PRKACB: variants seen among roughly 807,000 people sequenced by gnomAD.
PRKACB encodes protein kinase cAMP-activated catalytic subunit beta.
In PRKACB, 16 loss-of-function variants were observed where a neutral mutation model predicts 51.4. The observed-to-expected ratio is 0.31, with a 90% CI of 0.21 to 0.47. The LOEUF (loss-of-function observed/expected upper bound fraction) is 0.47. PRKACB is among the 20% of genes least tolerant of loss of function. The pLI is 1.00. For synonymous variants in PRKACB, 147 were observed against 154.4 expected, an observed-to-expected ratio of 0.95 and a Z score of 0.35; for missense variants, 309 against 464.5, an observed-to-expected ratio of 0.67 and a Z score of 3.08.
intron 1 of PRKACB, chr1:84,175,877 T>G: frequency 8.4e-7 from 1 of 1,190,644 alleles, no homozygotes; most frequent in Non-Finnish European, 1.1e-6. Context: ...AAATATATAA[T>G]TGAAAATGTA....
chr1:84,091,189 C>T (rs150891500), intron 1 of PRKACB, among the ~76,000 whole-genome samples: 7 of 152,096 alleles, frequency 4.6e-5, no homozygotes, highest in East Asian at 3.9e-4. Context: ...AAACCTGAGA[C>T]GAGAAGAAAG....
At chr1:84,222,794 T>C (rs1673938409) in intron 9 of PRKACB, among the ~76,000 whole-genome samples, 1 of 152,194 alleles carries the variant, frequency 6.6e-6, no homozygotes, top group Admixed American at 6.5e-5. Flanking sequence ...TTATCGTTGG[T>C]GGCAGGGTTT....
At position 84,192,471 on chromosome 1, in the gene PRKACB, T is replaced by C. The variant is rs560243883; in HGVS notation, c.561-4145T>C. Among the ~76,000 whole-genome samples, 3 of 151,854 alleles carry C rather than the reference T, an allele frequency of 2.0e-5. No homozygotes were observed. The East Asian group carries it at 5.8e-4, about 29-fold the overall frequency. On this transcript the variant is annotated intron_variant, in intron 5 of 9. Transcript: ENST00000370685. ...CAAAACAGCATGAAAATCACAATGA[T>C]TTTCTTTTTTATCTGATGATTTTCA...
chr1:84,121,265 C>A (rs751019871), intron 1 of PRKACB, among the ~76,000 whole-genome samples: 12 of 151,532 alleles, frequency 7.9e-5, no homozygotes, highest in Non-Finnish European at 1.5e-4. Flanking sequence ...GATTTTATGT[C>A]TCCTCTTTAT....
chr1:84,230,112 A>C (rs893547249), intron 9 of PRKACB, among the ~76,000 whole-genome samples: 11 of 152,042 alleles, frequency 7.2e-5, no homozygotes, highest in African/African-American at 2.7e-4. Context: ...TTTTTGTATA[A>C]GGTGTAAGGA....
intron 1 of PRKACB, among the ~76,000 whole-genome samples, chr1:84,174,480 A>G (rs184378341): frequency 3.9e-5 from 6 of 151,960 alleles, no homozygotes; most frequent in African/African-American, 7.2e-5. Flanking sequence ...TTTCCTTAAC[A>G]GTGGAAATAT....
chr1:84,079,281 C>T (rs1341755321), intron 1 of PRKACB, among the ~76,000 whole-genome samples: 1 of 152,056 alleles, frequency 6.6e-6, no homozygotes, highest in Admixed American at 6.5e-5. Flanking sequence ...TTCAGAATGT[C>T]CAAATAACAG....
Position 84,188,653 on chromosome 1 carries a change from A to G in PRKACB, c.560+3471A>G, listed in dbSNP as rs146940537. Reference sequence around the variant, plus strand: ...GAACAACATAGCCATAAATGCAACTAAAAGATCTAGTATCACATCATTTAT... The same window carrying G: ...GAACAACATAGCCATAAATGCAACTGAAAGATCTAGTATCACATCATTTAT... On this transcript the variant is annotated intron_variant, in intron 5 of 9. Transcript: ENST00000370685. Among the ~76,000 whole-genome samples, 325 of 152,086 alleles carry G rather than the reference A, an allele frequency of 2.1e-3. 3 individuals are homozygous for G. The highest frequency in any genetic ancestry group is 7.5e-3 in the African/African-American group (310 of 41,566).
chr1:84,223,003 G>C (rs1673972255), intron 9 of PRKACB, among the ~76,000 whole-genome samples: 1 of 151,896 alleles, frequency 6.6e-6, no homozygotes, highest in South Asian at 2.1e-4. Context: ...AGACCTTTTT[G>C]GATTGTATCT....
At chr1:84,230,475 A>G (rs1305103579) in intron 9 of PRKACB, among the ~76,000 whole-genome samples, 1 of 152,160 alleles carries the variant, frequency 6.6e-6, no homozygotes, top group Non-Finnish European at 1.5e-5. Flanking sequence ...GAAGAAAGTC[A>G]TTGGTAGCTT....
chr1:84,131,748 G>A (rs1418597702), intron 1 of PRKACB, among the ~76,000 whole-genome samples: 1 of 152,166 alleles, frequency 6.6e-6, no homozygotes, highest in Non-Finnish European at 1.5e-5. Context: ...AAATTGGTGG[G>A]AACATTTAAA....
intron 1 of PRKACB, among the ~76,000 whole-genome samples, chr1:84,145,149 G>A (rs1653877300): frequency 6.6e-6 from 1 of 151,934 alleles, no homozygotes; most frequent in African/African-American, 2.4e-5. Context: ...AGGAAAAGTT[G>A]GTTATGCATG....
intron 1 of PRKACB, among the ~76,000 whole-genome samples, chr1:84,079,765 A>G (rs1647377844): frequency 6.6e-6 from 1 of 152,148 alleles, no homozygotes; most frequent in Non-Finnish European, 1.5e-5. Flanking sequence ...TCCCAGGTTC[A>G]AGGGATTCTC....
intron 1 of PRKACB, chr1:84,086,097 C>G (rs1308533450): frequency 1.4e-6 from 2 of 1,433,028 alleles, no homozygotes; most frequent in Non-Finnish European, 2.0e-6. Flanking sequence ...GATGACCACA[C>G]AGACCTCGCC....
At chr1:84,108,870 T>G (rs1183970591) in intron 1 of PRKACB, among the ~76,000 whole-genome samples, 1 of 152,098 alleles carries the variant, frequency 6.6e-6, no homozygotes, top group Non-Finnish European at 1.5e-5. Context: ...GTCAGTATGT[T>G]AAATGTATTA....
At position 84,129,531 on chromosome 1, in the gene PRKACB, G is replaced by A. The variant is rs190135130; in HGVS notation, c.47-49646G>A. ...TTACTGTGGATTTACTCAGAAAAAT[G>A]TATGTCAATTTCACACTGAGATTAA... On this transcript the variant is annotated intron_variant, in intron 1 of 8. Transcript: ENST00000370688. 1.2e-3 allele frequency among the ~76,000 whole-genome samples: 182 copies of A among 152,272 alleles called. 6 individuals carry two copies. The highest frequency in any genetic ancestry group is 0.01 in the Middle Eastern group (3 of 292).
intron 9 of PRKACB, among the ~76,000 whole-genome samples, chr1:84,214,772 G>A (rs1672651938): frequency 6.6e-6 from 1 of 152,110 alleles, no homozygotes; most frequent in South Asian, 2.1e-4. Context: ...TGGGATTACA[G>A]GCATGAGTCA....
intron 3 of PRKACB, among the ~76,000 whole-genome samples, chr1:84,183,048 A>G (rs1664026680): frequency 6.6e-6 from 1 of 152,016 alleles, no homozygotes; most frequent in African/African-American, 2.4e-5. Flanking sequence ...TTTGCTCAAT[A>G]TTATCAGTAT....
chr1:84,205,672 A>G (rs942859824), intron 8 of PRKACB, among the ~76,000 whole-genome samples: 1 of 152,112 alleles, frequency 6.6e-6, no homozygotes, highest in Admixed American at 6.6e-5. Context: ...TAAATTCACT[A>G]AAGTACATAT....
Sources: allele counts gnomAD v4.1 joint callset (sites outside exome capture counted in the v4.1 genomes callset), GRCh38; gene constraint gnomAD v4.1.1; transcripts MANE v1.5; gene names NCBI Gene and HGNC (gene_info 2026-07-23, HGNC 2026-07-21).